ROR1: variants seen among roughly 807,000 people sequenced by gnomAD.
ROR1 encodes the protein ROR family WNT receptor 1.
A neutral mutation model predicts 78.8 loss-of-function variants in ROR1; 19 were observed. The ratio of observed to expected loss-of-function variants is 0.24; its 90% CI spans 0.17 to 0.35. The LOEUF (loss-of-function observed/expected upper bound fraction) is 0.35. Among genes scored for constraint, ROR1 ranks in the 10% least tolerant of loss-of-function variants. The pLI is 1.00. For missense variants in ROR1, 917 were observed against 1,177.8 expected, an observed-to-expected ratio of 0.78 and a Z score of 3.24; for synonymous variants, 386 against 433.6, an observed-to-expected ratio of 0.89 and a Z score of 1.36.
chr1:63,774,319 A>AGCGGCCGGGACGAG lies in ROR1; in HGVS notation c.-88_-75dup. The AGCGGCCGGGACGAG allele has an allele frequency of 1.4e-6, 1 of 698,790 alleles. No individual in the cohort carries two copies. The highest frequency in any genetic ancestry group is 2.1e-6 in the Non-Finnish European group (1 of 486,460). 43.3% of individuals were successfully genotyped at this position (698,790 alleles called of 1,614,324 possible). Reference sequence around the variant, plus strand: ...ACGTCCCCGGCGTCCTGCGAGCGCCAGCGGCCGGGACGAGGCGGCCGGGAG... The same window carrying AGCGGCCGGGACGAG: ...ACGTCCCCGGCGTCCTGCGAGCGCCAGCGGCCGGGACGAGGCGGCCGGGACGAGGCGGCCGGGAG... On this transcript the variant is annotated 5_prime_UTR_variant, in exon 1 of 9. Transcript: ENST00000371079. This position sits in a 1 kb window ranked among gnomAD's most constrained non-coding sequence, Gnocchi z 5.7.
intron 1 of ROR1, among the ~76,000 whole-genome samples, chr1:63,807,208 T>C (rs1054692182): frequency 6.6e-5 from 10 of 152,214 alleles, no homozygotes; most frequent in Non-Finnish European, 1.2e-4. Flanking sequence ...CTGCCACTTC[T>C]GGGAAAATTG....
intron 1 of ROR1, among the ~76,000 whole-genome samples, chr1:63,800,725 G>A (rs1644791779): frequency 6.6e-6 from 1 of 152,160 alleles, no homozygotes; most frequent in South Asian, 2.1e-4. Context: ...AGTTCATCAA[G>A]ATCCTCAGGT....
At chr1:63,986,105 G>A (rs1048410318) in intron 1 of ROR1, among the ~76,000 whole-genome samples, 2 of 152,132 alleles carry the variant, frequency 1.3e-5, no homozygotes, top group East Asian at 3.9e-4. Context: ...TTAGAAATAT[G>A]CAGATAAACT....
At chr1:64,131,958 T>TTAG (rs1330468193) in intron 4 of ROR1, among the ~76,000 whole-genome samples, 1 of 152,140 alleles carries the variant, frequency 6.6e-6, no homozygotes, top group Non-Finnish European at 1.5e-5. Flanking sequence ...TCAATAGTAG[T>TTAG]TAGTATATTC....
intron 1 of ROR1, among the ~76,000 whole-genome samples, chr1:63,928,846 C>T (rs554188480): frequency 2.0e-5 from 3 of 152,274 alleles, no homozygotes; most frequent in African/African-American, 7.2e-5. Flanking sequence ...GGATAACCCT[C>T]TAGAGAGGCC....
chr1:63,807,647 C>A (rs1199894107), intron 1 of ROR1, among the ~76,000 whole-genome samples: 1 of 152,188 alleles, frequency 6.6e-6, no homozygotes, highest in Non-Finnish European at 1.5e-5. Flanking sequence ...GTGTAAGCCC[C>A]ATCTTGTCTC....
At chr1:64,028,904 A>G (rs1335562145) in intron 2 of ROR1, 1 of 152,116 alleles carries the variant, frequency 6.6e-6, no homozygotes, top group African/African-American at 2.4e-5. Flanking sequence ...AAAAATATGG[A>G]ACACTTCATG....
At chr1:64,086,062 C>T (rs1163750934) in intron 4 of ROR1, among the ~76,000 whole-genome samples, 4 of 152,178 alleles carry the variant, frequency 2.6e-5, no homozygotes, top group Non-Finnish European at 4.4e-5. Context: ...TAAAATTGCT[C>T]CTTTCCACCT....
chr1:63,954,077 G>T (rs28681315), intron 1 of ROR1, among the ~76,000 whole-genome samples: 3,978 of 152,246 alleles, frequency 0.026, 173 homozygotes, highest in African/African-American at 0.091. Flanking sequence ...TACTAGTCAG[G>T]ATACAAACTT....
chr1:63,859,995 G>T (rs1316118582), intron 1 of ROR1, among the ~76,000 whole-genome samples: 1 of 152,158 alleles, frequency 6.6e-6, no homozygotes, highest in African/African-American at 2.4e-5. Context: ...AGGCACAGAA[G>T]GGTGAAGAAA....
chr1:64,082,278 C>T (rs1206440756), intron 4 of ROR1, among the ~76,000 whole-genome samples: 3 of 151,964 alleles, frequency 2.0e-5, no homozygotes, highest in Non-Finnish European at 4.4e-5. Flanking sequence ...ACCATGGTGG[C>T]GTTGGGACAT....
chr1:63,922,392 C>T (rs563334793), intron 1 of ROR1, among the ~76,000 whole-genome samples: 11 of 152,208 alleles, frequency 7.2e-5, no homozygotes, highest in Middle Eastern at 6.8e-3. Flanking sequence ...GGTCAAAACA[C>T]GTGATTCTCT....
chr1:63,841,168 T>G (rs1228898548), intron 1 of ROR1, among the ~76,000 whole-genome samples: 1 of 152,232 alleles, frequency 6.6e-6, no homozygotes, highest in African/African-American at 2.4e-5. Context: ...AGGTATGCAT[T>G]TTCACTGTTT....
chr1:63,801,741 G>C (rs1644798621), intron 1 of ROR1, among the ~76,000 whole-genome samples: 1 of 152,130 alleles, frequency 6.6e-6, no homozygotes, highest in Non-Finnish European at 1.5e-5. Flanking sequence ...AGTTAAAATA[G>C]GGAGTGAGGA....
chr1:64,046,223 CAGAACTGCTACTTGAG>C lies in ROR1; in HGVS notation c.164-3467_164-3452del, dbSNP rs1646782052. On this transcript the variant is annotated intron_variant, in intron 2 of 8. Transcript: ENST00000371079. ...TCTGACACACATCGCTAGAGAGTGG[CAGAACTGCTACTTGAG>C]TCTAGTGTGAATTCCCTCTGGACTG... is the stretch of plus-strand genomic sequence containing the variant. 2.0e-5 allele frequency among the ~76,000 whole-genome samples: 3 copies of C among 152,142 alleles called. No homozygotes were observed. In the South Asian group the frequency reaches 6.2e-4, roughly 32 times the overall value.
At chr1:64,070,668 G>A (rs1036132538) in intron 4 of ROR1, among the ~76,000 whole-genome samples, 6 of 152,064 alleles carry the variant, frequency 3.9e-5, no homozygotes, top group African/African-American at 1.2e-4. Context: ...TTCATCTCAG[G>A]AATCCTTGTG....
At position 63,955,807 on chromosome 1, in the gene ROR1, C is replaced by T. The variant is rs144448123; in HGVS notation, c.92-53498C>T. On this transcript the variant is annotated intron_variant, in intron 1 of 8. Transcript: ENST00000371079. ...CCACCGTAGCAGTTTCCATTTTTAC[C>T]GTTATCCCAAGTACATTGCCAAGCA... 1.8e-4 allele frequency among the ~76,000 whole-genome samples: 28 copies of T among 152,256 alleles called. No homozygotes were observed. The East Asian group carries it at 4.1e-3, about 22-fold the overall frequency.
At chr1:63,847,408 A>G (rs1026328902) in intron 1 of ROR1, among the ~76,000 whole-genome samples, 1 of 152,094 alleles carries the variant, frequency 6.6e-6, no homozygotes, top group Admixed American at 6.5e-5. Flanking sequence ...GAGAAAGATC[A>G]GGTTTGTAAA....
At position 64,049,892 on chromosome 1, in the gene ROR1, A is replaced by G; in HGVS notation, c.365A>G (p.Asp122Gly). 6.2e-7 allele frequency: 1 copy of G among 1,614,154 alleles called. No individual in the cohort carries two copies. The highest frequency in any genetic ancestry group is 8.5e-7 in the Non-Finnish European group (1 of 1,180,020). Residue 122 changes from aspartate to glycine, a missense_variant, in exon 3 of 9, where the codon GAC (aspartate) becomes GGC (glycine). Asp to Gly is a moderately conservative substitution (Grantham distance 94, BLOSUM62 -1). Around this residue, in one of 3 missense-constraint regions of ROR1, gnomAD observed 835 missense variants for 1,069.8 expected, o/e 0.78. Coordinates refer to ENST00000371079, the MANE Select transcript of ROR1 (RefSeq NM_005012.4). ...TCTCGGCTGCGGATTAGAAACCTCG[A>G]CACCACAGACACAGGCTACTTCCAG... is the stretch of plus-strand genomic sequence containing the variant. ...YGSRLRIRNLDTTDTGYFQCV... is the reference protein window; with the variant it reads ...YGSRLRIRNLGTTDTGYFQCV...
Sources: gnomAD v4.1 joint callset for allele counts (sites outside exome capture counted in the v4.1 genomes callset) on GRCh38, gnomAD v4.1.1 for gene constraint, gnomAD v4.1.1 regional missense constraint, Gnocchi (gnomAD v3.1) non-coding constraint, MANE v1.5 for transcripts, NCBI Gene and HGNC (gene_info 2026-07-23, HGNC 2026-07-21) for gene names.